The following SLC30A9 variants were observed in gnomAD, a reference collection of about 807,000 sequenced individuals.
SLC30A9 encodes proton-coupled zinc antiporter SLC30A9, mitochondrial.
SLC30A9 carries 58 observed loss-of-function variants against 87.5 expected under a neutral mutation model. The observed-to-expected ratio is 0.66, with a 90% CI of 0.54 to 0.82. SLC30A9 has a LOEUF of 0.82. Among genes scored for constraint, SLC30A9 ranks in the 40% least tolerant of loss-of-function variants. The probability of loss-of-function intolerance (pLI) is 0.00; values close to 1 mark genes in which losing one functional copy is unlikely to be tolerated. For synonymous variants in SLC30A9, 234 were observed against 233.0 expected, an observed-to-expected ratio of 1.00 and a Z score of -0.04; for missense variants, 557 against 679.1, an observed-to-expected ratio of 0.82 and a Z score of 2.00.
At position 42,070,596 on chromosome 4, in the gene SLC30A9, C is replaced by T. The variant is rs1486768027; in HGVS notation, c.1323C>T (p.Leu441=). The change falls in exon 15 of 18, where the codon CTC becomes CTT. Residue 441 remains leucine (L), a synonymous_variant. Coordinates refer to ENST00000264451, the MANE Select transcript of SLC30A9 (RefSeq NM_006345.4). ...TATTAGGCATGGTCTCAGCATTCCT[C>T]ATCTACACTAACACAGAAGCACTCT... The part of the protein sequence containing the change: ...GTLLGMVSAF[L]IYTNTEALLG... 1.9e-6 allele frequency: 3 copies of T among 1,612,832 alleles called. No individual in the cohort carries two copies. Among genetic ancestry groups the T allele is most frequent in the African/African-American group, 2.7e-5 (2 of 74,610 alleles).
chr4:42,018,528 T>C, intron 3 of SLC30A9: 1 of 781,032 alleles, frequency 1.3e-6, no homozygotes, highest in South Asian at 2.2e-5. Context: ...CGTTATTGTC[T>C]GACTTTATTT....
At chr4:42,004,774 C>A (rs1715133199) in intron 2 of SLC30A9, among the ~76,000 whole-genome samples, 1 of 151,380 alleles carries the variant, frequency 6.6e-6, no homozygotes, top group Non-Finnish European at 1.5e-5. Flanking sequence ...ACCTTAGCCC[C>A]CTAAGTAGCT....
intron 8 of SLC30A9, among the ~76,000 whole-genome samples, chr4:42,048,645 T>C (rs1049132511): frequency 1.3e-5 from 2 of 152,134 alleles, no homozygotes; most frequent in South Asian, 2.1e-4. Context: ...CTGCTTAGAG[T>C]CACCTCTGGC....
At chr4:42,079,833 G>A (rs755708903) in intron 17 of SLC30A9, among the ~76,000 whole-genome samples, 40 of 151,826 alleles carry the variant, frequency 2.6e-4, no homozygotes, top group Middle Eastern at 3.2e-3. Flanking sequence ...GGCCAGGCTG[G>A]TCTTGAACTC....
chr4:42,063,987 G>A (rs1258366587), intron 11 of SLC30A9, among the ~76,000 whole-genome samples: 1 of 152,114 alleles, frequency 6.6e-6, no homozygotes, highest in Non-Finnish European at 1.5e-5. Context: ...ACTTTCTGTG[G>A]GAGTGCAGGT....
chr4:41,996,479 G>A (rs1372704659), intron 1 of SLC30A9, among the ~76,000 whole-genome samples: 2 of 151,784 alleles, frequency 1.3e-5, no homozygotes, highest in Non-Finnish European at 2.9e-5. Context: ...GCTCATGCCT[G>A]TAATCCCAGC....
chr4:42,028,400 T>A (rs75482332), intron 6 of SLC30A9, among the ~76,000 whole-genome samples: 6,979 of 152,326 alleles, frequency 0.046, 288 homozygotes, highest in African/African-American at 0.11. Context: ...ATTATAGGCA[T>A]GAGCCACTGC....
In SLC30A9 at chr4:41,993,695, C is replaced by T. The variant is rs993530059; in HGVS notation, c.109+2935C>T. 3.3e-5 allele frequency among the ~76,000 whole-genome samples: 5 copies of T among 152,068 alleles called. 1 individual carries two copies. Among genetic ancestry groups the T allele is most frequent in the Non-Finnish European group, 4.4e-5 (3 of 68,028 alleles). ...ATGCCCTCTGACCTAACAGTTTTTA[C>T]TCAAAAGGATTTACTTTAAAGAAAT... On this transcript the variant is annotated intron_variant, in intron 1 of 17. Coordinates refer to ENST00000264451, the MANE Select transcript of SLC30A9 (RefSeq NM_006345.4).
At chr4:41,992,408 T>C (rs1001040662) in intron 1 of SLC30A9, among the ~76,000 whole-genome samples, 2 of 151,996 alleles carry the variant, frequency 1.3e-5, no homozygotes, top group Non-Finnish European at 2.9e-5. Flanking sequence ...AATCCCCAAG[T>C]AAGTTTCTAA....
intron 6 of SLC30A9, chr4:42,029,975 C>T: frequency 2.2e-6 from 2 of 909,136 alleles, no homozygotes; most frequent in Non-Finnish European, 1.8e-6. Flanking sequence ...AGCCCAAATA[C>T]CTGCAGCCTC....
chr4:42,004,604 T>G (rs1241374431), intron 2 of SLC30A9, among the ~76,000 whole-genome samples: 1 of 152,052 alleles, frequency 6.6e-6, no homozygotes, highest in Non-Finnish European at 1.5e-5. Context: ...ATATGCTGGT[T>G]GATTATGTAT....
chr4:42,071,206 TCAG>T (rs1294169408), intron 15 of SLC30A9, among the ~76,000 whole-genome samples: 3 of 152,088 alleles, frequency 2.0e-5, no homozygotes, highest in African/African-American at 7.2e-5. Context: ...TAGGAGATAA[TCAG>T]CAGAAGAGAT....
chr4:42,076,550 C>T (rs536994487), intron 16 of SLC30A9, among the ~76,000 whole-genome samples: 1 of 152,096 alleles, frequency 6.6e-6, no homozygotes, highest in African/African-American at 2.4e-5. Context: ...TAGATTCTTC[C>T]GTGTTAATTT....
At chr4:42,015,842 T>C (rs1715695993) in intron 2 of SLC30A9, among the ~76,000 whole-genome samples, 2 of 152,052 alleles carry the variant, frequency 1.3e-5, no homozygotes, top group Admixed American at 1.3e-4. Flanking sequence ...GGTAATCTAG[T>C]ATCTATTCTT....
chr4:42,075,945 G>T (rs945869440), intron 16 of SLC30A9, among the ~76,000 whole-genome samples, 159 bp downstream of exon 16: 2 of 152,074 alleles, frequency 1.3e-5, no homozygotes, highest in South Asian at 2.1e-4. Context: ...CTATGGAGGG[G>T]TTCAGAGGAG....
Position 42,087,367 on chromosome 4 carries a change from C to A in SLC30A9, c.*1241C>A, listed in dbSNP as rs930230301. On this transcript the variant is annotated 3_prime_UTR_variant, in exon 18 of 18. Transcript: ENST00000264451. The stretch of plus-strand genomic sequence containing the variant: ...GTGAGCATTGTTCATATGAGAATGG[C>A]GGCTGGGTGATCTCTTTGCTGAATT... 1 of 152,104 alleles carries A rather than the reference C, an allele frequency of 6.6e-6. No homozygotes were observed. The highest frequency in any genetic ancestry group is 1.5e-5 in the Non-Finnish European group (1 of 68,012). The allele number at this position is 152,104 out of a possible 1,614,324, so 9.4% of individuals were successfully genotyped here. A position where few individuals can be genotyped will look rare whatever the true frequency, so the allele number is the denominator to read the frequency against.
At chr4:42,039,158 G>A (rs1716810952) in intron 8 of SLC30A9, 105 bp downstream of exon 8, 3 of 843,810 alleles carry the variant, frequency 3.6e-6, no homozygotes, top group African/African-American at 3.4e-5. Context: ...TAGAGTTTGA[G>A]GTTTATTTTG....
intron 6 of SLC30A9, among the ~76,000 whole-genome samples, chr4:42,027,367 G>A (rs1359884933): frequency 1.3e-5 from 2 of 152,158 alleles, no homozygotes; most frequent in African/African-American, 2.4e-5. Flanking sequence ...GAGACTGCGT[G>A]TGGTGCTCCT....
chr4:42,020,114 C>T (rs1314675036), intron 3 of SLC30A9, among the ~76,000 whole-genome samples: 1 of 152,120 alleles, frequency 6.6e-6, no homozygotes, highest in African/African-American at 2.4e-5. Context: ...AGACCCTAAG[C>T]AATTTAAATT....
Sources: allele counts gnomAD v4.1 joint callset (sites outside exome capture counted in the v4.1 genomes callset), GRCh38; gene constraint gnomAD v4.1.1; transcripts MANE v1.5; gene names NCBI Gene and HGNC (gene_info 2026-07-23, HGNC 2026-07-21).